MAPKAP1: variants seen among roughly 807,000 people sequenced by gnomAD.
MAPKAP1 encodes the protein MAPK associated protein 1, also known as target of rapamycin complex 2 subunit MAPKAP1.
MAPKAP1 carries 20 observed loss-of-function variants against 65.7 expected under a neutral mutation model. That is an observed-to-expected ratio of 0.30 (90% confidence interval 0.21 to 0.44). The LOEUF (loss-of-function observed/expected upper bound fraction) is 0.44, where lower values mean the gene tolerates loss of function less well. Ranked by LOEUF, MAPKAP1 falls within the 20% of genes least tolerant of loss-of-function variation. The pLI is 1.00. For missense variants in MAPKAP1, 423 were observed against 648.0 expected, an observed-to-expected ratio of 0.65 and a Z score of 3.77; for synonymous variants, 222 against 244.3, an observed-to-expected ratio of 0.91 and a Z score of 0.85.
intron 5 of MAPKAP1, among the ~76,000 whole-genome samples, chr9:125,564,292 T>C (rs1830982351): frequency 6.6e-6 from 1 of 152,204 alleles, no homozygotes; most frequent in African/African-American, 2.4e-5. Flanking sequence ...AAATTTTCAA[T>C]TGTCACACAT....
intron 2 of MAPKAP1, 23 bp downstream of exon 2, chr9:125,672,293 C>T: frequency 6.2e-7 from 1 of 1,611,498 alleles, no homozygotes; most frequent in African/African-American, 1.3e-5. Flanking sequence ...GCTCAGAAGA[C>T]ATGACTAGAA....
chr9:125,650,864 T>A (rs1031132093), intron 4 of MAPKAP1, among the ~76,000 whole-genome samples: 3 of 152,184 alleles, frequency 2.0e-5, no homozygotes, highest in Non-Finnish European at 4.4e-5. Context: ...AAAATCCCAA[T>A]GTCCTCCCTT....
intron 4 of MAPKAP1, among the ~76,000 whole-genome samples, chr9:125,617,726 C>A (rs528433308): frequency 6.6e-6 from 1 of 152,090 alleles, no homozygotes; most frequent in Non-Finnish European, 1.5e-5. Context: ...ATTTTATTTA[C>A]ATAAAGTTAA....
At position 125,439,036 on chromosome 9, in the gene MAPKAP1, G is replaced by A. The variant is rs371251601; in HGVS notation, c.1444-24C>T. The stretch of plus-strand genomic sequence containing the variant: ...ACCTAGAAACAAGAGCACACAGCCC[G>A]GTCACCTTGCCAGCCGCTCCCTACC... On this transcript the variant is annotated intron_variant, in intron 11 of 11. Transcript: ENST00000265960. The surrounding 1 kb of genome is among the most constrained non-coding windows in gnomAD (Gnocchi z 4.0). 1.9e-5 allele frequency: 30 copies of A among 1,610,194 alleles called. No individual in the cohort carries two copies. Among genetic ancestry groups the A allele is most frequent in the Non-Finnish European group, 2.3e-5 (27 of 1,178,402 alleles).
intron 8 of MAPKAP1, among the ~76,000 whole-genome samples, chr9:125,486,253 G>A (rs1379911755): frequency 6.6e-6 from 1 of 152,228 alleles, no homozygotes; most frequent in Non-Finnish European, 1.5e-5. Context: ...GTTACACTAA[G>A]CAAAGTTAAA....
At chr9:125,538,836 A>C (rs1368719201) in intron 7 of MAPKAP1, among the ~76,000 whole-genome samples, 4 of 152,210 alleles carry the variant, frequency 2.6e-5, no homozygotes, top group African/African-American at 9.7e-5. Context: ...GGGAGCACAT[A>C]AGTGAATGTA....
intron 8 of MAPKAP1, among the ~76,000 whole-genome samples, chr9:125,491,784 C>CA (rs1854741196): frequency 6.7e-6 from 1 of 149,668 alleles, no homozygotes; most frequent in Non-Finnish European, 1.5e-5. Context: ...TCAAAAAAAA[C>CA]CAAAAAAACA....
rs1211783519 is a variant in MAPKAP1 at position 125,624,432 on chromosome 9, T to TG, written c.498+33218dup. 8.5e-4 allele frequency among the ~76,000 whole-genome samples: 42 copies of TG among 49,626 alleles called. 1 individual carries two copies. Among genetic ancestry groups the TG allele is most frequent in the Admixed American group, 2.4e-3 (12 of 5,082 alleles). The allele number at this position is 49,626 out of a possible 152,430, so 32.6% of individuals were successfully genotyped here. A position where few individuals can be genotyped will look rare whatever the true frequency, so the allele number is the denominator to read the frequency against. On this transcript the variant is annotated intron_variant, in intron 4 of 11. Coordinates refer to ENST00000265960, the MANE Select transcript of MAPKAP1 (RefSeq NM_001006617.3). Reference sequence around the variant, plus strand: ...CCAGCCGCCCCGTCCGGGAGGGAGGTGGGGGGGGTCAGCCCCCACGCCCGG... The same window carrying TG: ...CCAGCCGCCCCGTCCGGGAGGGAGGTGGGGGGGGGTCAGCCCCCACGCCCGG...
At chr9:125,586,378 T>C (rs1403505459) in intron 4 of MAPKAP1, among the ~76,000 whole-genome samples, 2 of 152,194 alleles carry the variant, frequency 1.3e-5, no homozygotes, top group Non-Finnish European at 2.9e-5. Flanking sequence ...GCTGCTGCGC[T>C]AATCAGCAAA....
intron 5 of MAPKAP1, among the ~76,000 whole-genome samples, chr9:125,569,193 T>A (rs1413897742): frequency 6.6e-6 from 1 of 152,234 alleles, no homozygotes; most frequent in East Asian, 1.9e-4. Flanking sequence ...CTTGACCTTT[T>A]AACCACGTTT....
At chr9:125,577,109 G>A (rs1468472946) in intron 5 of MAPKAP1, among the ~76,000 whole-genome samples, 9 of 151,482 alleles carry the variant, frequency 5.9e-5, no homozygotes, top group African/African-American at 2.0e-4. Flanking sequence ...CATCTAGGAA[G>A]TGAGGAGCGT....
In MAPKAP1 at chr9:125,444,534, C is replaced by T. The variant is rs374990966; in HGVS notation, c.1410G>A (p.Ser470=). Residue 470 remains serine (S), a synonymous_variant, in exon 11 of 12, where the codon TCG becomes TCA. Coordinates refer to ENST00000265960, the MANE Select transcript of MAPKAP1 (RefSeq NM_001006617.3). Reference sequence around the variant, plus strand: ...CAATTTCATTGACGGTAGCAGCGTCCGATTCAAAGTAGAGGTGTTTATAGT... The same window carrying T: ...CAATTTCATTGACGGTAGCAGCGTCTGATTCAAAGTAGAGGTGTTTATAGT... ...NHDYKHLYFE[S]DAATVNEIVL... 28 of 1,613,638 alleles carry T rather than the reference C, an allele frequency of 1.7e-5. No homozygotes were observed. The highest frequency in any genetic ancestry group is 9.3e-5 in the African/African-American group (7 of 74,904).
At chr9:125,535,448 GCAGCATGGCACAGAGCAGA>G (rs1449871715) in intron 7 of MAPKAP1, among the ~76,000 whole-genome samples, 15 of 152,154 alleles carry the variant, frequency 9.9e-5, no homozygotes, top group Admixed American at 2.0e-4. Context: ...GATTTCCAGT[GCAGCATGGCACAGAGCAGA>G]CAGCATGGCA....
intron 10 of MAPKAP1, among the ~76,000 whole-genome samples, chr9:125,464,990 C>T (rs1853625098): frequency 6.6e-6 from 1 of 151,962 alleles, no homozygotes; most frequent in Non-Finnish European, 1.5e-5. Flanking sequence ...TCAACTAAGA[C>T]TGGGGACAAC....
In MAPKAP1 at chr9:125,532,059, T is replaced by G. The variant is rs150246665; in HGVS notation, c.958+11000A>C. Among the ~76,000 whole-genome samples the G allele has an allele frequency of 9.9e-5, 15 of 152,262 alleles. 2 individuals are homozygous for G. Among genetic ancestry groups the G allele is most frequent in the African/African-American group, 3.6e-4 (15 of 41,550 alleles). ...ATTAGCTTTACTCCAGAAAGTTCCC[T>G]CATCCACATTACATTTTAAGTGAGG... On this transcript the variant is annotated intron_variant, in intron 7 of 11. Coordinates refer to ENST00000265960, the MANE Select transcript of MAPKAP1 (RefSeq NM_001006617.3).
rs1852410832 is a variant in MAPKAP1 at position 125,439,705 on chromosome 9, G to T, written c.1444-693C>A. 6.6e-6 allele frequency among the ~76,000 whole-genome samples: 1 copy of T among 152,252 alleles called. No homozygotes were observed. The highest frequency in any genetic ancestry group is 2.1e-4 in the South Asian group (1 of 4,834). On this transcript the variant is annotated intron_variant, in intron 11 of 11. Transcript: ENST00000265960. This position sits in a 1 kb window ranked among gnomAD's most constrained non-coding sequence, Gnocchi z 4.0. Reference sequence around the variant, plus strand: ...CACGCTGCTGCTTCCACGAAGCCCTGGGAGTCTGCCCGGAGTCGCATGTGC... The same window carrying T: ...CACGCTGCTGCTTCCACGAAGCCCTTGGAGTCTGCCCGGAGTCGCATGTGC...
chr9:125,626,719 A>C (rs1833129746), intron 4 of MAPKAP1, among the ~76,000 whole-genome samples: 1 of 152,200 alleles, frequency 6.6e-6, no homozygotes, highest in Non-Finnish European at 1.5e-5. Context: ...GCACATCCTA[A>C]CCAGATTTAC....
intron 1 of MAPKAP1, among the ~76,000 whole-genome samples, chr9:125,679,973 G>A (rs896890218): frequency 1.3e-5 from 2 of 152,082 alleles, no homozygotes; most frequent in African/African-American, 4.8e-5. Context: ...CATGTTAATT[G>A]TGTATTTATA....
At chr9:125,541,283 C>T (rs1390980786) in intron 7 of MAPKAP1, among the ~76,000 whole-genome samples, 7 of 151,980 alleles carry the variant, frequency 4.6e-5, no homozygotes, top group Non-Finnish European at 8.8e-5. Context: ...TGGACAGAGA[C>T]GACGGGAGAC....
Sources: gnomAD v4.1 joint callset for allele counts (sites outside exome capture counted in the v4.1 genomes callset) on GRCh38, gnomAD v4.1.1 for gene constraint, Gnocchi (gnomAD v3.1) non-coding constraint, MANE v1.5 for transcripts, NCBI Gene and HGNC (gene_info 2026-07-23, HGNC 2026-07-21) for gene names.